The following ENTREP2 variants were observed in gnomAD, a reference collection of about 807,000 sequenced individuals.
ENTREP2 encodes endosomal transmembrane epsin interactor 2.
the ENTREP2 span, among the ~76,000 whole-genome samples, chr15:29,507,996 C>T: frequency 4.6e-5 from 7 of 151,398 alleles, no homozygotes; most frequent in East Asian, 3.9e-4. Context: ...TAAAATAGGC[C>T]GCTAGCCAGA....
chr15:29,429,197 C>T, the ENTREP2 span, among the ~76,000 whole-genome samples: 1 of 95,734 alleles, frequency 1.0e-5, no homozygotes. Flanking sequence ...ATCTATCCAT[C>T]CATCCATCCA....
the ENTREP2 span, among the ~76,000 whole-genome samples, chr15:29,140,585 A>C: frequency 6.6e-6 from 1 of 151,764 alleles, no homozygotes; most frequent in African/African-American, 2.4e-5. Flanking sequence ...TCTAATCCCT[A>C]CTATCAAACA....
chr15:29,158,858 CAA>C, the ENTREP2 span, among the ~76,000 whole-genome samples: 4 of 151,420 alleles, frequency 2.6e-5, no homozygotes, highest in African/African-American at 7.3e-5. Flanking sequence ...AGAACAAAAA[CAA>C]GAGAAAAAAG....
chr15:29,444,877 G>A, the ENTREP2 span, among the ~76,000 whole-genome samples: 807 of 152,304 alleles, frequency 5.3e-3, 7 homozygotes, highest in Non-Finnish European at 9.1e-3. Flanking sequence ...GGCGGTCCAC[G>A]GCCACTCAGG....
At chr15:29,467,228 G>A in the ENTREP2 span, among the ~76,000 whole-genome samples, 11 of 152,234 alleles carry the variant, frequency 7.2e-5, no homozygotes, top group Non-Finnish European at 1.2e-4. Context: ...AGGAGAAATC[G>A]AGATGCCTCT....
At chr15:29,640,225 A>C in the ENTREP2 span, among the ~76,000 whole-genome samples, 1 of 152,262 alleles carries the variant, frequency 6.6e-6, no homozygotes, top group East Asian at 1.9e-4. Flanking sequence ...AGGAAATACT[A>C]TGGACATCTG....
At chr15:29,269,095 C>T in the ENTREP2 span, 2 of 1,614,068 alleles carry the variant, frequency 1.2e-6, no homozygotes, top group Non-Finnish European at 1.7e-6. Context: ...GACCCCTAAG[C>T]GCCGCAGAAA....
chr15:29,337,746 C>T, the ENTREP2 span, among the ~76,000 whole-genome samples: 6 of 152,250 alleles, frequency 3.9e-5, no homozygotes, highest in East Asian at 3.9e-4. Context: ...ACCTATATTA[C>T]GTCATTCAGT....
the ENTREP2 span, among the ~76,000 whole-genome samples, chr15:29,139,700 A>T: frequency 1.3e-5 from 2 of 152,198 alleles, no homozygotes; most frequent in Non-Finnish European, 2.9e-5. Context: ...ACGCGGCTGC[A>T]TCTGCTCCGG....
At chr15:29,506,375 A>C in the ENTREP2 span, among the ~76,000 whole-genome samples, 1 of 152,214 alleles carries the variant, frequency 6.6e-6, no homozygotes, top group African/African-American at 2.4e-5. Flanking sequence ...CTAGCAAGAC[A>C]AGCCAACATT....
the ENTREP2 span, among the ~76,000 whole-genome samples, chr15:29,590,699 A>AG: frequency 7.7e-4 from 115 of 148,852 alleles, no homozygotes; most frequent in African/African-American, 2.1e-3. Flanking sequence ...AAAAAAAAAA[A>AG]AAAAAGAAAA....
the ENTREP2 span, among the ~76,000 whole-genome samples, chr15:29,436,447 A>G: frequency 6.6e-6 from 1 of 152,198 alleles, no homozygotes; most frequent in Non-Finnish European, 1.5e-5. Flanking sequence ...AGACATTCCT[A>G]TGCAGAATCT....
the ENTREP2 span, among the ~76,000 whole-genome samples, chr15:29,401,523 A>G: frequency 6.6e-6 from 1 of 152,324 alleles, no homozygotes; most frequent in South Asian, 2.1e-4. Context: ...CAAAGGGCAG[A>G]GGGGAAAGAA....
At chr15:29,599,174 C>T in the ENTREP2 span, among the ~76,000 whole-genome samples, 18 of 152,316 alleles carry the variant, frequency 1.2e-4, no homozygotes, top group Non-Finnish European at 1.5e-4. Context: ...TAATAGGCAA[C>T]GTGCATCACA....
At chr15:29,644,842 G>C in the ENTREP2 span, among the ~76,000 whole-genome samples, 2 of 148,862 alleles carry the variant, frequency 1.3e-5, no homozygotes, top group Admixed American at 6.7e-5. Flanking sequence ...AAAAAAGAAA[G>C]AAAAGAAAAA....
At chr15:29,531,126 C>T in the ENTREP2 span, among the ~76,000 whole-genome samples, 1 of 152,202 alleles carries the variant, frequency 6.6e-6, no homozygotes. Flanking sequence ...GTTCTACCTT[C>T]CCCCCAGTTT....
At chr15:29,475,018 T>C in the ENTREP2 span, among the ~76,000 whole-genome samples, 125 of 152,266 alleles carry the variant, frequency 8.2e-4, no homozygotes, top group African/African-American at 2.9e-3. Context: ...TGCAGAAACC[T>C]GTGTGCCCTA....
chr15:29,236,367 C>T, the ENTREP2 span, among the ~76,000 whole-genome samples: 1 of 152,028 alleles, frequency 6.6e-6, no homozygotes, highest in Non-Finnish European at 1.5e-5. Flanking sequence ...ATTGGGAAGC[C>T]AGGCACAATG....
the ENTREP2 span, among the ~76,000 whole-genome samples, chr15:29,520,389 T>C: frequency 6.6e-6 from 1 of 152,168 alleles, no homozygotes; most frequent in Non-Finnish European, 1.5e-5. Flanking sequence ...AATAGCAAAC[T>C]GACTGTCAGA....
Sources: gnomAD v4.1 joint callset for allele counts (sites outside exome capture counted in the v4.1 genomes callset) on GRCh38, gnomAD v4.1.1 for gene constraint, MANE v1.5 for transcripts, NCBI Gene and HGNC (gene_info 2026-07-23, HGNC 2026-07-21) for gene names.